The following PDE8B variants were observed in gnomAD, a reference collection of about 807,000 sequenced individuals.
PDE8B encodes phosphodiesterase 8B.
PDE8B carries 26 observed loss-of-function variants against 101.3 expected under a neutral mutation model. The observed-to-expected ratio is 0.26, with a 90% CI of 0.19 to 0.36. The LOEUF (loss-of-function observed/expected upper bound fraction) is 0.36, where lower values mean the gene tolerates loss of function less well. Among genes scored for constraint, PDE8B ranks in the 10% least tolerant of loss-of-function variants. The pLI is 1.00. For synonymous variants in PDE8B, 424 were observed against 429.3 expected, an observed-to-expected ratio of 0.99 and a Z score of 0.15; for missense variants, 810 against 1,163.1, an observed-to-expected ratio of 0.70 and a Z score of 4.42.
chr5:77,285,329 T>TAAG (rs1765783741), intron 1 of PDE8B, among the ~76,000 whole-genome samples: 1 of 152,238 alleles, frequency 6.6e-6, no homozygotes, highest in Non-Finnish European at 1.5e-5. Context: ...TCATTTCCTT[T>TAAG]AATCTGAAAT....
chr5:77,126,794 T>C, the PDE8B span, among the ~76,000 whole-genome samples: 1 of 152,230 alleles, frequency 6.6e-6, no homozygotes, highest in African/African-American at 2.4e-5. Context: ...TGATGAAAAC[T>C]TTCTGAAATC....
intron 7 of PDE8B, among the ~76,000 whole-genome samples, chr5:77,347,791 C>T (rs1377326507): frequency 6.6e-6 from 1 of 151,958 alleles, no homozygotes; most frequent in Non-Finnish European, 1.5e-5. Context: ...GGGAAAGAGA[C>T]AGGGAAGGGT....
chr5:77,337,251 A>T lies in PDE8B; in HGVS notation c.733A>T (p.Ile245Phe), dbSNP rs1461176827. 2 of 1,589,450 alleles carry T rather than the reference A, an allele frequency of 1.3e-6. No individual in the cohort carries two copies. The highest frequency in any genetic ancestry group is 1.7e-6 in the Non-Finnish European group (2 of 1,159,568). Residue 245 changes from isoleucine to phenylalanine, a missense_variant, in exon 6 of 22, where the codon ATT becomes TTT. By Grantham distance (21) the Ile-to-Phe change is conservative (BLOSUM62 0). Coordinates refer to ENST00000264917, the MANE Select transcript of PDE8B (RefSeq NM_003719.5). Reference sequence around the variant, plus strand: ...GAGATTTATGGAGAATAGCAGCATAATTGCTTGCTATAATGAACTGATTCA... The same window carrying T: ...GAGATTTATGGAGAATAGCAGCATATTTGCTTGCTATAATGAACTGATTCA... Reference protein sequence around the residue: ...NRRFMENSSIIACYNELIQIE... With the variant: ...NRRFMENSSIFACYNELIQIE...
chr5:77,127,002 T>C, the PDE8B span, among the ~76,000 whole-genome samples: 3 of 152,266 alleles, frequency 2.0e-5, no homozygotes, highest in Admixed American at 2.0e-4. Flanking sequence ...CAGGTATCCT[T>C]GCCAGGACAC....
At chr5:77,311,900 C>A in intron 1 of PDE8B, 94 bp from the exon 2 acceptor site, 1 of 972,470 alleles carries the variant, frequency 1.0e-6, no homozygotes, top group Non-Finnish European at 1.7e-6. Context: ...ATTTAGTGCA[C>A]ACGGTGGCAT....
At chr5:77,381,823 A>C (rs932830763) in intron 10 of PDE8B, among the ~76,000 whole-genome samples, 5 of 152,196 alleles carry the variant, frequency 3.3e-5, no homozygotes, top group Non-Finnish European at 7.3e-5. Flanking sequence ...TAAATTTAAT[A>C]AAAATCAATG....
chr5:77,364,888 G>C (rs1181636828), intron 10 of PDE8B, among the ~76,000 whole-genome samples: 1 of 152,204 alleles, frequency 6.6e-6, no homozygotes, highest in African/African-American at 2.4e-5. Flanking sequence ...TTTGGGTCTA[G>C]TAGAGGTTTG....
chr5:77,201,231 C>G, the PDE8B span, among the ~76,000 whole-genome samples: 3 of 152,180 alleles, frequency 2.0e-5, no homozygotes, highest in Non-Finnish European at 4.4e-5. Flanking sequence ...TGTGGGGAAG[C>G]CCAAGGAAGT....
At chr5:77,316,763 A>C (rs1773849384) in intron 2 of PDE8B, among the ~76,000 whole-genome samples, 1 of 152,210 alleles carries the variant, frequency 6.6e-6, no homozygotes, top group South Asian at 2.1e-4. Context: ...CCTATGAAAC[A>C]TAATAACAAA....
the PDE8B span, among the ~76,000 whole-genome samples, chr5:77,201,482 T>G: frequency 1.3e-5 from 2 of 152,206 alleles, no homozygotes; most frequent in Non-Finnish European, 2.9e-5. Context: ...GAGTTCAGTG[T>G]CAGCACTGGC....
chr5:77,196,560 T>G, the PDE8B span, among the ~76,000 whole-genome samples: 1 of 152,212 alleles, frequency 6.6e-6, no homozygotes, highest in African/African-American at 2.4e-5. Context: ...TGTACTACCT[T>G]TTTATTCTAT....
intron 1 of PDE8B, among the ~76,000 whole-genome samples, chr5:77,244,182 G>A (rs529938775): frequency 2.6e-4 from 40 of 152,164 alleles, no homozygotes; most frequent in South Asian, 1.2e-3. Flanking sequence ...TAATCAGATG[G>A]GTTTTAGAAA....
chr5:77,125,880 T>C, the PDE8B span, among the ~76,000 whole-genome samples: 1 of 152,174 alleles, frequency 6.6e-6, no homozygotes, highest in East Asian at 1.9e-4. Context: ...TGGAGATGGA[T>C]GGTGGGAATG....
upstream of PDE8B, among the ~76,000 whole-genome samples, chr5:77,209,733 A>G (rs1245665819): frequency 2.0e-5 from 3 of 152,318 alleles, no homozygotes; most frequent in East Asian, 5.8e-4. Context: ...AGCAGTTGAC[A>G]TGGGCGGCTG....
intron 1 of PDE8B, among the ~76,000 whole-genome samples, chr5:77,255,050 T>TA (rs1758821416): frequency 6.6e-6 from 1 of 152,212 alleles, no homozygotes; most frequent in African/African-American, 2.4e-5. Flanking sequence ...CCCTCCAAGT[T>TA]ACCTCCCTCC....
At chr5:77,321,212 C>T (rs1410703341) in intron 2 of PDE8B, among the ~76,000 whole-genome samples, 2 of 143,838 alleles carry the variant, frequency 1.4e-5, no homozygotes, top group African/African-American at 2.6e-5. Context: ...TGCAATGGCA[C>T]GATCTCAGCT....
intron 4 of PDE8B, among the ~76,000 whole-genome samples, chr5:77,329,404 A>T (rs1318373410): frequency 1.3e-5 from 2 of 152,034 alleles, no homozygotes; most frequent in African/African-American, 4.8e-5. Context: ...AAGAAAAGAG[A>T]TGGGGATATG....
intron 10 of PDE8B, among the ~76,000 whole-genome samples, chr5:77,357,289 T>C (rs1319864925): frequency 6.6e-6 from 1 of 152,104 alleles, no homozygotes; most frequent in Non-Finnish European, 1.5e-5. Flanking sequence ...TCATCCCTGC[T>C]TGTCTGGGCA....
chr5:77,234,168 T>C (rs770195473), intron 1 of PDE8B, among the ~76,000 whole-genome samples: 21 of 152,148 alleles, frequency 1.4e-4, no homozygotes, highest in Non-Finnish European at 1.8e-4. Flanking sequence ...CCTTTGGTCA[T>C]TTTCCCAGTT....
Sources: gnomAD v4.1 joint callset for allele counts (sites outside exome capture counted in the v4.1 genomes callset) on GRCh38, gnomAD v4.1.1 for gene constraint, MANE v1.5 for transcripts, NCBI Gene and HGNC (gene_info 2026-07-23, HGNC 2026-07-21) for gene names.